Variants in ZNF385D observed in about 807,000 individuals in gnomAD.
ZNF385D encodes zinc finger protein 385D.
A neutral mutation model predicts 35.8 loss-of-function variants in ZNF385D; 15 were observed. The observed-to-expected ratio is 0.42, with a 90% CI of 0.28 to 0.64. ZNF385D has a LOEUF of 0.64. ZNF385D is among the 30% of genes least tolerant of loss of function. The pLI is 0.23. For synonymous variants in ZNF385D, 212 were observed against 186.8 expected (o/e 1.13, Z -1.10); for missense variants, 474 against 494.6 (o/e 0.96, Z 0.39).
intron 3 of ZNF385D, among the ~76,000 whole-genome samples, chr3:22,123,397 G>A (rs1367713295): frequency 2.0e-5 from 3 of 151,980 alleles, no homozygotes; most frequent in Non-Finnish European, 4.4e-5. Context: ...TATTGATGAG[G>A]TAAGTGTATA....
intron 2 of ZNF385D, among the ~76,000 whole-genome samples, chr3:22,325,495 G>A (rs1392430833): frequency 6.6e-6 from 1 of 152,172 alleles, no homozygotes; most frequent in Admixed American, 6.5e-5. Context: ...CAGGCACGGT[G>A]ATGCACGCCT....
intron 3 of ZNF385D, among the ~76,000 whole-genome samples, chr3:22,009,840 C>T (rs1037239920): frequency 2.0e-5 from 3 of 147,300 alleles, no homozygotes; most frequent in African/African-American, 7.4e-5. Context: ...TGTTTTATTT[C>T]TTAAGAGTAG....
chr3:21,562,302 ATATG>A (rs1232385844), intron 3 of ZNF385D, among the ~76,000 whole-genome samples: 15 of 152,076 alleles, frequency 9.9e-5, no homozygotes, highest in South Asian at 2.1e-4. Flanking sequence ...ATATATAAAA[ATATG>A]TATGTGTTTT....
chr3:22,090,339 A>G (rs1701265722), intron 3 of ZNF385D, among the ~76,000 whole-genome samples: 1 of 152,156 alleles, frequency 6.6e-6, no homozygotes, highest in Non-Finnish European at 1.5e-5. Flanking sequence ...TGACATCACA[A>G]TTAATTAATC....
chr3:22,033,111 G>A (rs560593192), intron 3 of ZNF385D, among the ~76,000 whole-genome samples: 23 of 152,194 alleles, frequency 1.5e-4, no homozygotes, highest in Admixed American at 3.3e-4. Context: ...AGTATAGAAT[G>A]AACAGTGAGG....
At chr3:21,476,723 A>G (rs1704273901) in intron 4 of ZNF385D, among the ~76,000 whole-genome samples, 1 of 152,130 alleles carries the variant, frequency 6.6e-6, no homozygotes, top group Non-Finnish European at 1.5e-5. Context: ...TTTCTCTTCT[A>G]TTGAAGAAGA....
At chr3:21,570,564 G>C (rs1339607920) in intron 2 of ZNF385D, among the ~76,000 whole-genome samples, 1 of 152,140 alleles carries the variant, frequency 6.6e-6, no homozygotes, top group African/African-American at 2.4e-5. Flanking sequence ...AAATAAAAAG[G>C]TTGTCTTTTT....
intron 3 of ZNF385D, among the ~76,000 whole-genome samples, chr3:22,117,418 C>T (rs146565525): frequency 0.01 from 1,556 of 151,990 alleles, 11 homozygotes; most frequent in Middle Eastern, 0.034. Context: ...AATGGTTACA[C>T]GACTTATGAT....
chr3:21,839,775 T>C (rs1441939307), intron 3 of ZNF385D, among the ~76,000 whole-genome samples: 2 of 152,024 alleles, frequency 1.3e-5, no homozygotes, highest in East Asian at 1.9e-4. Flanking sequence ...GAGAGTCACA[T>C]ACCAGCAATC....
intron 3 of ZNF385D, among the ~76,000 whole-genome samples, chr3:21,760,187 C>G (rs569609802): frequency 1.3e-5 from 2 of 152,084 alleles, no homozygotes; most frequent in Non-Finnish European, 2.9e-5. Flanking sequence ...ATAAAATGAC[C>G]GGATGCCATT....
chr3:21,602,896 T>G (rs1369522500), intron 2 of ZNF385D, among the ~76,000 whole-genome samples: 1 of 152,124 alleles, frequency 6.6e-6, no homozygotes, highest in African/African-American at 2.4e-5. Context: ...AAAATGAAAT[T>G]ATAAGCTACT....
intron 3 of ZNF385D, among the ~76,000 whole-genome samples, chr3:21,929,939 G>C (rs1379547756): frequency 6.6e-6 from 1 of 152,000 alleles, no homozygotes; most frequent in Non-Finnish European, 1.5e-5. Context: ...TGTAGAAATT[G>C]CCAAGCTTAT....
chr3:21,600,961 A>G (rs573099625), intron 2 of ZNF385D, among the ~76,000 whole-genome samples: 165 of 152,246 alleles, frequency 1.1e-3, no homozygotes, highest in African/African-American at 3.8e-3. Flanking sequence ...ATTAATGAAA[A>G]TTCAAGAAAA....
chr3:21,438,033 C>T (rs1701660014), intron 4 of ZNF385D, among the ~76,000 whole-genome samples: 1 of 152,120 alleles, frequency 6.6e-6, no homozygotes, highest in African/African-American at 2.4e-5. Flanking sequence ...CTCTACAACC[C>T]TTCTGGCTCT....
At position 22,153,464 on chromosome 3, in the gene ZNF385D, C is replaced by CTTTT. The variant is rs769926281; in HGVS notation, c.325+15349_325+15352dup. Among the ~76,000 whole-genome samples, 73 of 109,318 alleles carry CTTTT rather than the reference C, an allele frequency of 6.7e-4. 1 individual carries two copies. Among genetic ancestry groups the CTTTT allele is most frequent in the Admixed American group, 1.3e-3 (14 of 10,478 alleles). 71.7% of individuals were successfully genotyped at this position (109,318 alleles called of 152,430 possible). On this transcript the variant is annotated intron_variant, in intron 3 of 5. Coordinates refer to the ZNF385D transcript ENST00000494108. The stretch of plus-strand genomic sequence containing the variant: ...TTCTGTTTGTCACCATGAAATTCTT[C>CTTTT]TTTTTTTTTTTTTTTTTTTGAGACA...
chr3:22,163,845 T>C (rs1315398967), intron 3 of ZNF385D, among the ~76,000 whole-genome samples: 8 of 152,220 alleles, frequency 5.3e-5, no homozygotes, highest in Non-Finnish European at 1.2e-4. Flanking sequence ...ATTGTGCATG[T>C]TTAAGGAGAA....
chr3:22,204,857 G>C (rs1265740555), intron 2 of ZNF385D, among the ~76,000 whole-genome samples: 2 of 150,372 alleles, frequency 1.3e-5, no homozygotes, highest in African/African-American at 4.9e-5. Context: ...ATGCCTACAA[G>C]ATCTAGAAAA....
intron 2 of ZNF385D, among the ~76,000 whole-genome samples, chr3:22,233,715 C>T (rs773329825): frequency 6.6e-6 from 1 of 152,180 alleles, no homozygotes; most frequent in East Asian, 1.9e-4. Context: ...TCCTGGTAGG[C>T]TCTACTTTCT....
At chr3:22,091,538 G>A (rs1701330261) in intron 3 of ZNF385D, among the ~76,000 whole-genome samples, 1 of 151,964 alleles carries the variant, frequency 6.6e-6, no homozygotes, top group Non-Finnish European at 1.5e-5. Context: ...GTGTTCCTAG[G>A]AATGAAATAC....
Sources: allele counts gnomAD v4.1 joint callset (sites outside exome capture counted in the v4.1 genomes callset), GRCh38; gene constraint gnomAD v4.1.1; transcripts MANE v1.5; gene names NCBI Gene and HGNC (gene_info 2026-07-23, HGNC 2026-07-21).